AGPAT3: variants seen among roughly 807,000 people sequenced by gnomAD.
AGPAT3 encodes 1-acylglycerol-3-phosphate O-acyltransferase 3, also known as 1-acyl-sn-glycerol-3-phosphate acyltransferase gamma.
Under a neutral mutation model 47.3 loss-of-function variants are expected in AGPAT3, and 5 were observed. That is an observed-to-expected ratio of 0.11 (90% CI 0.06 to 0.22). The LOEUF (loss-of-function observed/expected upper bound fraction) is 0.22, where lower values mean the gene tolerates loss of function less well. Among genes scored for constraint, AGPAT3 ranks in the 10% least tolerant of loss-of-function variants. The pLI, the probability that AGPAT3 is intolerant of heterozygous loss-of-function variation, is 1.00. For synonymous variants in AGPAT3, 212 were observed against 208.3 expected (o/e 1.02, Z -0.15); for missense variants, 315 against 493.0 (o/e 0.64, Z 3.42).
chr21:43,960,451 T>C (rs142950084), intron 3 of AGPAT3, among the ~76,000 whole-genome samples: 68 of 152,264 alleles, frequency 4.5e-4, no homozygotes, highest in African/African-American at 1.6e-3. Context: ...CGTGGGGACA[T>C]GAACAGGCGC....
intron 2 of AGPAT3, among the ~76,000 whole-genome samples, chr21:43,904,373 C>T (rs1241694580): frequency 6.6e-6 from 1 of 152,176 alleles, no homozygotes; most frequent in African/African-American, 2.4e-5. Flanking sequence ...ACAGGGCTGC[C>T]CCGGCTCTGT....
rs144770958 is a variant in AGPAT3, at chr21:43,955,193, C to T, written c.-48-4441C>T. ...CCGTCTCAGAAGCACCGCGCTGGAC[C>T]GGCTGGGCCAGATGCCATGGGATTC... On this transcript the variant is annotated intron_variant, in intron 2 of 9. Transcript: ENST00000291572. This position sits in a 1 kb window ranked among gnomAD's most constrained non-coding sequence, Gnocchi z 4.1. 1,847 of 1,257,004 alleles carry T rather than the reference C, an allele frequency of 1.5e-3. 10 individuals carry two copies. The highest frequency in any genetic ancestry group is 0.01 in the Middle Eastern group (45 of 4,408). The allele number at this position is 1,257,004 out of a possible 1,614,324, so 77.9% of individuals were successfully genotyped here. A position where few individuals can be genotyped will look rare whatever the true frequency, so the allele number is the denominator to read the frequency against.
At position 43,954,897 on chromosome 21, in the gene AGPAT3, G is replaced by T. The variant is rs2088368967; in HGVS notation, c.-48-4737G>T. On this transcript the variant is annotated intron_variant, in intron 2 of 9. Coordinates refer to ENST00000291572, the MANE Select transcript of AGPAT3 (RefSeq NM_020132.5). This position sits in a 1 kb window ranked among gnomAD's most constrained non-coding sequence, Gnocchi z 4.0. ...AGAGGGCAGGCGTGGGCTCTCCGGGGAGTCTCTGCGTAGACTTTCTAGCCC... is the reference window on the plus strand; with the variant it reads ...AGAGGGCAGGCGTGGGCTCTCCGGGTAGTCTCTGCGTAGACTTTCTAGCCC... 4 of 513,966 alleles carry T rather than the reference G, an allele frequency of 7.8e-6. No homozygotes were observed. The highest frequency in any genetic ancestry group is 1.1e-5 in the Non-Finnish European group (4 of 371,248). The allele number at this position is 513,966 out of a possible 1,614,324, so 31.8% of individuals were successfully genotyped here.
At chr21:43,918,653 C>G (rs1441829103) in intron 2 of AGPAT3, among the ~76,000 whole-genome samples, 1 of 148,508 alleles carries the variant, frequency 6.7e-6, no homozygotes, top group African/African-American at 2.5e-5. Context: ...GTGGTACGAT[C>G]TTGGCTCACC....
intron 2 of AGPAT3, among the ~76,000 whole-genome samples, chr21:43,905,806 G>A (rs1166263747): frequency 6.6e-6 from 1 of 152,224 alleles, no homozygotes; most frequent in Non-Finnish European, 1.5e-5. Flanking sequence ...TTGTTGGACT[G>A]TACTCAGGGC....
intron 1 of AGPAT3, chr21:43,866,528 TC>T (rs1268598227): frequency 6.6e-6 from 1 of 152,174 alleles, no homozygotes; most frequent in Non-Finnish European, 1.5e-5. Context: ...CAGAGGGGTC[TC>T]CCGAGGATGC....
At chr21:43,923,174 C>G (rs1348978485) in intron 2 of AGPAT3, among the ~76,000 whole-genome samples, 1 of 151,286 alleles carries the variant, frequency 6.6e-6, no homozygotes, top group African/African-American at 2.4e-5. Flanking sequence ...CAGCACACCA[C>G]CAGTGCCCAG....
At chr21:43,913,420 A>T (rs1419910688) in intron 2 of AGPAT3, among the ~76,000 whole-genome samples, 3 of 152,076 alleles carry the variant, frequency 2.0e-5, no homozygotes, top group African/African-American at 4.8e-5. Context: ...CCCCGTCTCT[A>T]TAAAAAAATA....
intron 2 of AGPAT3, among the ~76,000 whole-genome samples, chr21:43,944,767 G>C (rs1457091770): frequency 6.6e-6 from 1 of 152,238 alleles, no homozygotes; most frequent in East Asian, 1.9e-4. Context: ...AAAAGAGGGA[G>C]CCCAGGAGGA....
At chr21:43,924,181 T>C (rs2086980708) in intron 2 of AGPAT3, among the ~76,000 whole-genome samples, 1 of 91,564 alleles carries the variant, frequency 1.1e-5, no homozygotes, top group Non-Finnish European at 2.2e-5. Context: ...GCCTGCCTAA[T>C]TTTTTTGTAT....
At chr21:43,945,346 T>C (rs542699002) in intron 2 of AGPAT3, among the ~76,000 whole-genome samples, 4 of 152,188 alleles carry the variant, frequency 2.6e-5, no homozygotes, top group Non-Finnish European at 4.4e-5. Flanking sequence ...CTAAAGAAAA[T>C]TCGGCTGAAC....
In AGPAT3 at chr21:43,939,877, C is replaced by T. The variant is rs144237437; in HGVS notation, c.-48-19757C>T. Among the ~76,000 whole-genome samples, 9 of 152,326 alleles carry T rather than the reference C, an allele frequency of 5.9e-5. No homozygotes were observed. The East Asian group carries it at 1.7e-3, about 29-fold the overall frequency. On this transcript the variant is annotated intron_variant, in intron 2 of 9. Coordinates refer to ENST00000291572, the MANE Select transcript of AGPAT3 (RefSeq NM_020132.5). This position sits in a 1 kb window ranked among gnomAD's most constrained non-coding sequence, Gnocchi z 4.4. ...CTGGCCCTGTGACTCTGCCTGTTTACAGTGAGCAGCTCCTGGCCAAAAGCT... is the reference window on the plus strand; with the variant it reads ...CTGGCCCTGTGACTCTGCCTGTTTATAGTGAGCAGCTCCTGGCCAAAAGCT...
At chr21:43,872,721 T>C (rs1258987767) in intron 1 of AGPAT3, among the ~76,000 whole-genome samples, 2 of 152,236 alleles carry the variant, frequency 1.3e-5, no homozygotes, top group African/African-American at 4.8e-5. Flanking sequence ...CAGGCCCTCC[T>C]GAGCAGGGCT....
At chr21:43,962,557 T>A (rs1044665141) in intron 3 of AGPAT3, among the ~76,000 whole-genome samples, 3 of 152,156 alleles carry the variant, frequency 2.0e-5, no homozygotes, top group Non-Finnish European at 4.4e-5. Flanking sequence ...ATTTCTGGGC[T>A]CACAGTAAGG....
intron 2 of AGPAT3, among the ~76,000 whole-genome samples, chr21:43,926,601 G>A (rs1322790426): frequency 1.3e-5 from 2 of 148,248 alleles, no homozygotes; most frequent in Non-Finnish European, 3.0e-5. Flanking sequence ...GCTCTGTGTC[G>A]TGCTGCTGGG....
chr21:43,985,175 G>T lies in AGPAT3; in HGVS notation c.*2783G>T. 1 of 456,272 alleles carries T rather than the reference G, an allele frequency of 2.2e-6. No homozygotes were observed. The highest frequency in any genetic ancestry group is 3.3e-4 in the Middle Eastern group (1 of 3,076). 28.3% of individuals were successfully genotyped at this position (456,272 alleles called of 1,614,324 possible). A position where few individuals can be genotyped will look rare whatever the true frequency, so the allele number is the denominator to read the frequency against. On this transcript the variant is annotated 3_prime_UTR_variant, in exon 10 of 10. Transcript: ENST00000291572. The stretch of plus-strand genomic sequence containing the variant: ...TAGGCCCAGGTGCCAGGTGTCATGG[G>T]GTCTCCTGCCCATCTTCCCAAGGAT...
At chr21:43,928,873 T>C (rs577485980) in intron 2 of AGPAT3, among the ~76,000 whole-genome samples, 126 of 152,292 alleles carry the variant, frequency 8.3e-4, no homozygotes, top group Non-Finnish European at 3.2e-4. Flanking sequence ...ACCAATCCTC[T>C]TTTTGCCCTA....
At chr21:43,959,319 G>T (rs1313626871) in intron 2 of AGPAT3, among the ~76,000 whole-genome samples, 2 of 136,966 alleles carry the variant, frequency 1.5e-5, no homozygotes, top group Non-Finnish European at 3.2e-5. Context: ...TGTGGCGTGT[G>T]TGTGGTTGTG....
At chr21:43,901,789 CA>C (rs1326535075) in intron 1 of AGPAT3, among the ~76,000 whole-genome samples, 8 of 151,920 alleles carry the variant, frequency 5.3e-5, no homozygotes, top group Admixed American at 6.6e-5. Flanking sequence ...AAAAAAGACC[CA>C]AATAAATCTT....
Sources: gnomAD v4.1 joint callset for allele counts (sites outside exome capture counted in the v4.1 genomes callset) on GRCh38, gnomAD v4.1.1 for gene constraint, Gnocchi (gnomAD v3.1) non-coding constraint, MANE v1.5 for transcripts, NCBI Gene and HGNC (gene_info 2026-07-23, HGNC 2026-07-21) for gene names.